OFD1: variants seen among roughly 807,000 people sequenced by gnomAD.
OFD1 encodes the protein centriole and centriolar satellite protein OFD1.
In OFD1, 12 loss-of-function variants were observed where a neutral mutation model predicts 81.4. The observed-to-expected ratio is 0.15, with a 90% confidence interval of 0.09 to 0.24. The LOEUF is 0.24. Ranked by LOEUF, OFD1 falls within the 10% of genes least tolerant of loss-of-function variation. OFD1 has a pLI of 1.00. For missense variants in OFD1, 685 were observed against 733.9 expected, an observed-to-expected ratio of 0.93 and a Z score of 0.77; for synonymous variants, 256 against 263.7, an observed-to-expected ratio of 0.97 and a Z score of 0.28.
At chrX:13,722,860 G>A in the OFD1 span, among the ~76,000 whole-genome samples, 3 of 111,246 alleles carry the variant, frequency 2.7e-5, no homozygotes, top group Admixed American at 2.8e-4. Flanking sequence ...TCAGGAGATC[G>A]AGACCATCCT....
chrX:13,767,271 T>G lies in OFD1; in HGVS notation c.2744T>G (p.Leu915Arg). Residue 915 changes from leucine to arginine, a missense_variant, in exon 20 of 23, where the codon CTG becomes CGG. Physicochemically the swap from Leu to Arg is moderately radical, Grantham distance 102. This residue lies in a region of OFD1 where 259 missense variants were observed against 254.4 expected (regional missense o/e 1.02). Transcript: ENST00000340096. ...AGGGAACGAAGAGAACTAGAAAAACTGTATCAGGAAAGGGTAATAAGTATG... is the reference window on the plus strand; with the variant it reads ...AGGGAACGAAGAGAACTAGAAAAACGGTATCAGGAAAGGGTAATAAGTATG... ...LERERRELEKLYQERKMIEES... is the reference protein window; with the variant it reads ...LERERRELEKRYQERKMIEES... The G allele has an allele frequency of 8.3e-7, 1 of 1,211,434 alleles. No individual in the cohort carries two copies. Among genetic ancestry groups the G allele is most frequent in the Non-Finnish European group, 1.1e-6 (1 of 895,040 alleles).
chrX:13,754,013 G>A (rs184425956), intron 11 of OFD1, among the ~76,000 whole-genome samples: 6 of 104,925 alleles, frequency 5.7e-5, no homozygotes, highest in African/African-American at 1.8e-4. Context: ...ACGGAGTCTC[G>A]CTCTGTCACC....
At position 13,753,536 on chromosome X, in the gene OFD1, G is replaced by C. The variant is rs773244702; in HGVS notation, c.1129+95G>C. ...TCTTTTCTATATTCTAAAAAATACAGCTTACACTTCATTGTTCATACAAAA... is the reference window on the plus strand; with the variant it reads ...TCTTTTCTATATTCTAAAAAATACACCTTACACTTCATTGTTCATACAAAA... On this transcript the variant is annotated intron_variant, in intron 11 of 22. Coordinates refer to ENST00000340096, the MANE Select transcript of OFD1 (RefSeq NM_003611.3). 3 of 793,451 alleles carry C rather than the reference G, an allele frequency of 3.8e-6. No individual in the cohort carries two copies. The South Asian group carries it at 6.9e-5, about 18-fold the overall frequency. 65.4% of individuals were successfully genotyped at this position (793,451 alleles called of 1,213,427 possible). A position where few individuals can be genotyped will look rare whatever the true frequency, so the allele number is the denominator to read the frequency against.
chrX:13,715,332 G>A, the OFD1 span, among the ~76,000 whole-genome samples: 6 of 112,071 alleles, frequency 5.4e-5, no homozygotes, highest in Admixed American at 5.6e-4. Context: ...AATTAGCTGG[G>A]TGTGGTGGTG....
At chrX:13,744,207 T>C (rs2047209733) in intron 5 of OFD1, among the ~76,000 whole-genome samples, 1 of 111,317 alleles carries the variant, frequency 9.0e-6, no homozygotes, top group Non-Finnish European at 1.9e-5. Flanking sequence ...GTAGGAGGAT[T>C]GCTTGAGCCC....
chrX:13,738,808 T>A (rs1391085408), intron 3 of OFD1, 38 bp from the exon 4 acceptor site: 2 of 826,579 alleles, frequency 2.4e-6, no homozygotes, highest in East Asian at 6.3e-5. Flanking sequence ...AACACTGATA[T>A]AAAAATATGT....
upstream of OFD1, chrX:13,734,596 G>T: frequency 1.4e-6 from 1 of 708,201 alleles, no homozygotes; most frequent in African/African-American, 2.2e-5. Context: ...CGAACCTGTA[G>T]CCAGAACGCC....
At position 13,769,097 on chromosome X, in the gene OFD1, G is replaced by A; in HGVS notation, c.3028G>A (p.Asp1010Asn). The change falls in exon 23 of 23, where the codon GAC becomes AAC. Residue 1010 changes from aspartate to asparagine, a missense_variant. Physicochemically the swap from Asp to Asn is conservative, Grantham distance 23 (BLOSUM62 1). Around this residue, in one of 3 missense-constraint regions of OFD1, gnomAD observed 259 missense variants for 254.4 expected, o/e 1.02. Coordinates refer to ENST00000340096, the MANE Select transcript of OFD1 (RefSeq NM_003611.3). Reference sequence around the variant, plus strand: ...AGGCTTTTCTCATGAAGAACTAGACGACTCTTGGTAACCATGTTTGCTGCC... The same window carrying A: ...AGGCTTTTCTCATGAAGAACTAGACAACTCTTGGTAACCATGTTTGCTGCC... ...LTGFSHEELD[D>N]SW The A allele has an allele frequency of 5.0e-6, 6 of 1,193,836 alleles. No individual in the cohort carries two copies. The highest frequency in any genetic ancestry group is 5.9e-5 in the East Asian group (2 of 33,715).
intron 2 of OFD1, among the ~76,000 whole-genome samples, chrX:13,735,799 A>G (rs1206017600): frequency 8.9e-6 from 1 of 112,150 alleles, no homozygotes; most frequent in Non-Finnish European, 1.9e-5. Context: ...GAAATGTATG[A>G]ATGTTTAGTT....
intron 21 of OFD1, 77 bp downstream of exon 21, chrX:13,768,301 A>C: frequency 1.3e-6 from 1 of 776,649 alleles, no homozygotes; most frequent in Non-Finnish European, 2.0e-6. Context: ...TTGGGACGGG[A>C]ATCCGTCTTC....
At position 13,743,767 on chromosome X, in the gene OFD1, A is replaced by G. The variant is rs188306284; in HGVS notation, c.413-648A>G. ...ACCCATGTTTTTCCCCATTTTTCTG[A>G]TTTTTTTTTTTTAAACTGATTTGTA... On this transcript the variant is annotated intron_variant, in intron 5 of 22. Transcript: ENST00000340096. 2.3e-4 allele frequency among the ~76,000 whole-genome samples: 23 copies of G among 101,647 alleles called. 2 individuals carry two copies. The East Asian group carries it at 6.9e-3, about 30-fold the overall frequency. The allele number at this position is 101,647 out of a possible 115,157, so 88.3% of individuals were successfully genotyped here.
chrX:13,736,771 G>C (rs879191260), intron 3 of OFD1, 93 bp downstream of exon 3: 1 of 628,159 alleles, frequency 1.6e-6, no homozygotes, highest in South Asian at 2.4e-5. Flanking sequence ...AGTGCTCCTC[G>C]ACTAGGTCCA....
chrX:13,742,555 A>T, intron 5 of OFD1, among the ~76,000 whole-genome samples: 1 of 111,618 alleles, frequency 9.0e-6, no homozygotes, highest in Non-Finnish European at 1.9e-5. Context: ...ACGGAGTTTC[A>T]CTCTGCCACC....
the OFD1 span, chrX:13,715,892 G>A: frequency 3.1e-5 from 33 of 1,049,300 alleles, no homozygotes; most frequent in Non-Finnish European, 3.7e-5. Context: ...ATGGGGGAAA[G>A]CTAGTCTGAA....
chrX:13,770,111 A>G (rs1320311831), downstream of OFD1, among the ~76,000 whole-genome samples: 4 of 112,033 alleles, frequency 3.6e-5, no homozygotes, highest in Admixed American at 2.8e-4. Flanking sequence ...CTGGAAAAAA[A>G]TCTCTACTGA....
Position 13,736,685 on chromosome X carries a change from T to G in OFD1, c.312+7T>G. The G allele has an allele frequency of 1.7e-6, 2 of 1,171,371 alleles. No individual in the cohort carries two copies. Among genetic ancestry groups the G allele is most frequent in the Non-Finnish European group, 2.3e-6 (2 of 859,303 alleles). On this transcript the variant is annotated splice_region_variant and intron_variant, in intron 3 of 22. Coordinates refer to ENST00000340096, the MANE Select transcript of OFD1 (RefSeq NM_003611.3). ...TGGTTTGGCAAAAGAAAAGGTAAAG[T>G]CTTTCCTTTTCTGTTTCTGAAGTTT...
intron 10 of OFD1, 89 bp from the exon 11 acceptor site, chrX:13,753,279 C>T: frequency 8.3e-7 from 1 of 1,198,334 alleles, no homozygotes; most frequent in Non-Finnish European, 1.1e-6. Flanking sequence ...CCCTCAGGTG[C>T]TCCTGTGCCA....
the OFD1 span, among the ~76,000 whole-genome samples, chrX:13,725,013 G>A: frequency 1.8e-5 from 2 of 113,287 alleles, no homozygotes; most frequent in East Asian, 5.6e-4. Context: ...GCAGCAGTCT[G>A]AGATTGAACT....
Position 13,746,739 on chromosome X carries a change from A to G in OFD1, c.655-41A>G, listed in dbSNP as rs1435237545. ...GAGAACTTGTTCCTGTTTTTATAGT[A>G]TAATAGTTGGTATTTTTAATTTTTT... On this transcript the variant is annotated intron_variant, in intron 7 of 22. Transcript: ENST00000340096. The G allele has an allele frequency of 4.8e-6, 5 of 1,044,476 alleles. No homozygotes were observed. The Admixed American group carries it at 6.8e-5, about 14-fold the overall frequency. 86.1% of individuals were successfully genotyped at this position (1,044,476 alleles called of 1,213,427 possible). A position where few individuals can be genotyped will look rare whatever the true frequency, so the allele number is the denominator to read the frequency against.
Sources: allele counts gnomAD v4.1 joint callset (sites outside exome capture counted in the v4.1 genomes callset), GRCh38; gene constraint gnomAD v4.1.1; regional missense constraint gnomAD v4.1.1; transcripts MANE v1.5; gene names NCBI Gene and HGNC (gene_info 2026-07-23, HGNC 2026-07-21).